WDFY2: variants seen among roughly 807,000 people sequenced by gnomAD.
WDFY2 encodes the protein WD repeat and FYVE domain-containing protein 2.
Under a neutral mutation model 56.4 loss-of-function variants are expected in WDFY2, and 36 were observed. The observed-to-expected ratio is 0.64, with a 90% CI of 0.49 to 0.84. The LOEUF (loss-of-function observed/expected upper bound fraction) is 0.84. Ranked by LOEUF, WDFY2 falls within the 40% of genes least tolerant of loss-of-function variation. The pLI, the probability that WDFY2 is intolerant of heterozygous loss-of-function variation, is 0.00. For synonymous variants in WDFY2, 176 were observed against 183.7 expected, an observed-to-expected ratio of 0.96 and a Z score of 0.34; for missense variants, 444 against 512.2, an observed-to-expected ratio of 0.87 and a Z score of 1.29.
At chr13:51,758,723 G>A (rs755174274) in intron 11 of WDFY2, among the ~76,000 whole-genome samples, 13 of 152,150 alleles carry the variant, frequency 8.5e-5, no homozygotes, top group Non-Finnish European at 1.6e-4. Flanking sequence ...TAAAAAGACT[G>A]TAATAGGTCA....
intron 1 of WDFY2, among the ~76,000 whole-genome samples, chr13:51,656,190 C>G (rs1955506945): frequency 6.6e-6 from 1 of 151,070 alleles, no homozygotes; most frequent in South Asian, 2.1e-4. Flanking sequence ...GCATTTATAG[C>G]TATACATTTC....
intron 4 of WDFY2, among the ~76,000 whole-genome samples, chr13:51,710,099 A>G (rs1051201437): frequency 4.6e-5 from 7 of 152,078 alleles, no homozygotes; most frequent in East Asian, 1.9e-4. Flanking sequence ...ACGATCAAGT[A>G]GGCTTCATCC....
chr13:51,650,542 C>G (rs1290385521), intron 1 of WDFY2, among the ~76,000 whole-genome samples: 2 of 152,126 alleles, frequency 1.3e-5, no homozygotes, highest in African/African-American at 2.4e-5. Flanking sequence ...ATGATATTGG[C>G]TGTGGGTTTG....
intron 4 of WDFY2, among the ~76,000 whole-genome samples, chr13:51,712,442 TAATA>T (rs1406802455): frequency 6.6e-6 from 1 of 151,968 alleles, no homozygotes; most frequent in Non-Finnish European, 1.5e-5. Context: ...TAAAATATAA[TAATA>T]AAAAAAATGA....
At chr13:51,587,280 A>G (rs180794491) in intron 1 of WDFY2, 13 of 152,228 alleles carry the variant, frequency 8.5e-5, no homozygotes, top group African/African-American at 3.1e-4. Flanking sequence ...CTTCATGTCC[A>G]TTTTATTTTC....
intron 10 of WDFY2, among the ~76,000 whole-genome samples, chr13:51,757,833 CTT>C (rs5803569): frequency 7.7e-5 from 11 of 142,482 alleles, no homozygotes; most frequent in Admixed American, 7.0e-5. Flanking sequence ...TATCTTGGTC[CTT>C]TTTTTTTTTT....
At chr13:51,607,791 T>A (rs1954410999) in intron 1 of WDFY2, among the ~76,000 whole-genome samples, 1 of 152,162 alleles carries the variant, frequency 6.6e-6, no homozygotes, top group Non-Finnish European at 1.5e-5. Flanking sequence ...CCCCCCAACA[T>A]GTCTATGTCC....
intron 1 of WDFY2, among the ~76,000 whole-genome samples, chr13:51,656,058 T>C (rs1466502814): frequency 6.6e-6 from 1 of 151,632 alleles, no homozygotes; most frequent in African/African-American, 2.4e-5. Flanking sequence ...TTTCCCTTTT[T>C]TTTTTTTTTT....
chr13:51,761,129 CT>C lies in WDFY2; in HGVS notation c.*1363del, dbSNP rs1359681856. 1 of 152,190 alleles carries C rather than the reference CT, an allele frequency of 6.6e-6. No homozygotes were observed. Among genetic ancestry groups the C allele is most frequent in the East Asian group, 1.9e-4 (1 of 5,196 alleles). 9.4% of individuals were successfully genotyped at this position (152,190 alleles called of 1,614,324 possible). ...TATCCTAATGTGTTTCATCAGAACACTTTGCACACTTTCTTACTAAAACGGT... is the reference window on the plus strand; with the variant it reads ...TATCCTAATGTGTTTCATCAGAACACTTGCACACTTTCTTACTAAAACGGT... On this transcript the variant is annotated 3_prime_UTR_variant, in exon 12 of 12. Transcript: ENST00000298125.
intron 1 of WDFY2, among the ~76,000 whole-genome samples, chr13:51,623,216 T>A (rs1369912723): frequency 6.7e-6 from 1 of 148,562 alleles, no homozygotes; most frequent in Non-Finnish European, 1.5e-5. Context: ...TAAAGCGTAA[T>A]TTTTCTAAAA....
At chr13:51,699,464 T>G (rs1395469302) in intron 3 of WDFY2, among the ~76,000 whole-genome samples, 1 of 152,222 alleles carries the variant, frequency 6.6e-6, no homozygotes, top group Non-Finnish European at 1.5e-5. Flanking sequence ...TATTGCACCT[T>G]CAAATAAAGC....
intron 1 of WDFY2, among the ~76,000 whole-genome samples, chr13:51,613,289 C>T (rs903636235): frequency 9.2e-5 from 14 of 152,190 alleles, no homozygotes; most frequent in Admixed American, 8.5e-4. Flanking sequence ...CCCATCTCCC[C>T]TTCTTTCCCA....
At chr13:51,720,990 AACAC>A (rs1952476730) in intron 5 of WDFY2, among the ~76,000 whole-genome samples, 3 of 148,400 alleles carry the variant, frequency 2.0e-5, no homozygotes, top group Admixed American at 6.7e-5. Context: ...CACACACACA[AACAC>A]ACACACTGTC....
Position 51,615,948 on chromosome 13 carries a change from A to T in WDFY2, c.137+31124A>T, listed in dbSNP as rs1157344817. ...GACTTTTTAAAAAGCAGAATATTCG[A>T]AAATAAAAGAACAGGCCACATGTGG... On this transcript the variant is annotated intron_variant, in intron 1 of 11. Coordinates refer to ENST00000298125, the MANE Select transcript of WDFY2 (RefSeq NM_052950.4). 2.0e-5 allele frequency among the ~76,000 whole-genome samples: 3 copies of T among 152,236 alleles called. No individual in the cohort carries two copies. In the East Asian group the frequency reaches 5.8e-4, roughly 29 times the overall value.
rs116882555 is a variant in WDFY2, at chr13:51,732,643, C to T, written c.598+4853C>T. On this transcript the variant is annotated intron_variant, in intron 6 of 11. Coordinates refer to ENST00000298125, the MANE Select transcript of WDFY2 (RefSeq NM_052950.4). ...TGTAACTATAACAAGAATAACTAAA[C>T]AAACTAAGAAAGTCACAGTTCAGTG... Among the ~76,000 whole-genome samples the T allele has an allele frequency of 3.9e-3, 599 of 152,254 alleles. 6 individuals carry two copies. The highest frequency in any genetic ancestry group is 4.2e-3 in the Non-Finnish European group (288 of 68,002).
chr13:51,735,913 C>A (rs1952824261), intron 6 of WDFY2, among the ~76,000 whole-genome samples: 2 of 152,202 alleles, frequency 1.3e-5, no homozygotes, highest in Admixed American at 1.3e-4. Context: ...CCCTGACTTG[C>A]TTTAACCAGT....
chr13:51,733,578 T>C (rs749684950), intron 6 of WDFY2, among the ~76,000 whole-genome samples: 8 of 152,032 alleles, frequency 5.3e-5, no homozygotes, highest in Non-Finnish European at 1.0e-4. Context: ...GTGGCAGCAG[T>C]AGGTGGTAGA....
Position 51,759,813 on chromosome 13 carries a change from G to C in WDFY2, c.*44G>C. 6.2e-7 allele frequency: 1 copy of C among 1,603,806 alleles called. No homozygotes were observed. The highest frequency in any genetic ancestry group is 8.5e-7 in the Non-Finnish European group (1 of 1,171,982). Reference sequence around the variant, plus strand: ...GAAAGATAGTATTTACTAAAGAAACGGTTGTTTTAACCCAAATCATTACCA... The same window carrying C: ...GAAAGATAGTATTTACTAAAGAAACCGTTGTTTTAACCCAAATCATTACCA... On this transcript the variant is annotated 3_prime_UTR_variant, in exon 12 of 12. Coordinates refer to ENST00000298125, the MANE Select transcript of WDFY2 (RefSeq NM_052950.4).
In WDFY2 at chr13:51,763,889, TG is replaced by T. The variant is rs1218949192; in HGVS notation, c.*4123del. Reference sequence around the variant, plus strand: ...TTAAGCAAAAGGATAGCTCTAAGTGTGGGTTGCAGTTACTGGACATAAATAT... The same window carrying T: ...TTAAGCAAAAGGATAGCTCTAAGTGTGGTTGCAGTTACTGGACATAAATAT... On this transcript the variant is annotated 3_prime_UTR_variant, in exon 12 of 12. Coordinates refer to ENST00000298125, the MANE Select transcript of WDFY2 (RefSeq NM_052950.4). 6.6e-6 allele frequency: 1 copy of T among 152,222 alleles called. No homozygotes were observed. Among genetic ancestry groups the T allele is most frequent in the Non-Finnish European group, 1.5e-5 (1 of 68,030 alleles). 9.4% of individuals were successfully genotyped at this position (152,222 alleles called of 1,614,324 possible).
Sources: gnomAD v4.1 joint callset for allele counts (sites outside exome capture counted in the v4.1 genomes callset) on GRCh38, gnomAD v4.1.1 for gene constraint, MANE v1.5 for transcripts, NCBI Gene and HGNC (gene_info 2026-07-23, HGNC 2026-07-21) for gene names.